PTPRN2: variants seen among roughly 807,000 people sequenced by gnomAD.
The protein encoded by PTPRN2 is protein tyrosine phosphatase receptor type N2.
PTPRN2 carries 74 observed loss-of-function variants against 118.8 expected under a neutral mutation model. The observed-to-expected ratio is 0.62, with a 90% confidence interval of 0.52 to 0.76. PTPRN2 has a LOEUF of 0.76. PTPRN2 is among the 30% of genes least tolerant of loss of function. The pLI, the probability that PTPRN2 is intolerant of heterozygous loss-of-function variation, is 0.00. For missense variants in PTPRN2, 1,481 were observed against 1,394.4 expected, an observed-to-expected ratio of 1.06 and a Z score of -0.99; for synonymous variants, 641 against 608.0, an observed-to-expected ratio of 1.05 and a Z score of -0.80.
intron 1 of PTPRN2, among the ~76,000 whole-genome samples, chr7:158,538,942 G>C (rs950141463): frequency 6.6e-6 from 1 of 152,156 alleles, no homozygotes; most frequent in Non-Finnish European, 1.5e-5. Flanking sequence ...CCAGTCCCAG[G>C]ACCTGCTGGA....
rs1042953021 is a variant in PTPRN2, at chr7:157,689,483, C to T, written c.1789-6546G>A. 2.6e-5 allele frequency among the ~76,000 whole-genome samples: 4 copies of T among 152,354 alleles called. 1 individual carries two copies. In the East Asian group the frequency reaches 7.7e-4, roughly 29 times the overall value. On this transcript the variant is annotated intron_variant, in intron 12 of 22. Coordinates refer to ENST00000389418, the MANE Select transcript of PTPRN2 (RefSeq NM_002847.5). ...CAGCCGTCCAGCCCGCAGCGCCCAG[C>T]TCAGCGCACTGAGGACCAAAAAGGG...
At chr7:157,998,817 CAA>C (rs1213090372) in intron 11 of PTPRN2, among the ~76,000 whole-genome samples, 21 of 59,152 alleles carry the variant, frequency 3.6e-4, no homozygotes, top group African/African-American at 6.2e-4. Flanking sequence ...TACTCCATCT[CAA>C]AAAAAAAAAA....
At chr7:157,884,152 AT>A (rs956331409) in intron 12 of PTPRN2, among the ~76,000 whole-genome samples, 20 of 152,006 alleles carry the variant, frequency 1.3e-4, no homozygotes, top group African/African-American at 3.9e-4. Flanking sequence ...AGAACAGAAC[AT>A]ACCACCCCAA....
chr7:157,731,500 C>A lies in PTPRN2; in HGVS notation c.1789-48563G>T, dbSNP rs1321054930. On this transcript the variant is annotated intron_variant, in intron 12 of 22. Coordinates refer to ENST00000389418, the MANE Select transcript of PTPRN2 (RefSeq NM_002847.5). Reference sequence around the variant, plus strand: ...CACAGTTACCCTTTCCCGTCCCATGCGCCCAGCACAGTTACCCTTTCCCGT... The same window carrying A: ...CACAGTTACCCTTTCCCGTCCCATGAGCCCAGCACAGTTACCCTTTCCCGT... Among the ~76,000 whole-genome samples, 35 of 146,240 alleles carry A rather than the reference C, an allele frequency of 2.4e-4. 5 individuals carry two copies. Among genetic ancestry groups the A allele is most frequent in the African/African-American group, 9.3e-4 (34 of 36,372 alleles).
Position 158,233,136 on chromosome 7 carries a change from G to A in PTPRN2, c.278-27863C>T, listed in dbSNP as rs1397457369. ...AATTGGAAAGGAAAAAGTCAAATTA[G>A]CCTTATTTGCAGACATCATGATCTT... is the stretch of plus-strand genomic sequence containing the variant. On this transcript the variant is annotated intron_variant, in intron 3 of 22. Transcript: ENST00000389418. 2.6e-5 allele frequency among the ~76,000 whole-genome samples: 4 copies of A among 152,224 alleles called. No homozygotes were observed. The East Asian group carries it at 7.7e-4, about 29-fold the overall frequency.
intron 11 of PTPRN2, among the ~76,000 whole-genome samples, chr7:158,059,179 C>G (rs13244386): frequency 1.5e-4 from 14 of 95,102 alleles, no homozygotes; most frequent in East Asian, 3.7e-4. Flanking sequence ...CACACGGTGA[C>G]ACATCACTGC....
chr7:158,258,487 C>T lies in PTPRN2; in HGVS notation c.278-53214G>A, dbSNP rs995319371. ...GTACGCACTCCATGTGCATGTGCTT[C>T]TCCACGGAGGGAGCTGCCTGGGTGG... On this transcript the variant is annotated intron_variant, in intron 3 of 22. Coordinates refer to ENST00000389418, the MANE Select transcript of PTPRN2 (RefSeq NM_002847.5). 9.2e-4 allele frequency among the ~76,000 whole-genome samples: 140 copies of T among 152,238 alleles called. 1 individual carries two copies. Among genetic ancestry groups the T allele is most frequent in the African/African-American group, 3.1e-3 (130 of 41,468 alleles).
rs1270475416 is a variant in PTPRN2, at chr7:157,583,347, A to G, written c.2497-5207T>C. ...GTGGAATGGGGAGCAATTGATCCAA[A>G]GGTAGTAACTTCCAGTAGAGGACAG... On this transcript the variant is annotated intron_variant, in intron 17 of 22. Transcript: ENST00000389418. The surrounding 1 kb of genome is among the most constrained non-coding windows in gnomAD (Gnocchi z 5.5). 6.6e-6 allele frequency among the ~76,000 whole-genome samples: 1 copy of G among 152,116 alleles called. No individual in the cohort carries two copies.
chr7:158,526,471 C>T lies in PTPRN2; in HGVS notation c.113-36686G>A, dbSNP rs776324834. On this transcript the variant is annotated intron_variant, in intron 1 of 22. Transcript: ENST00000389418. This position sits in a 1 kb window ranked among gnomAD's most constrained non-coding sequence, Gnocchi z 5.2. ...GAGGTCTCTCCGCTGGTCACGGCCTCGGAATTCCGACATGCTGGACTGTGG... is the reference window on the plus strand; with the variant it reads ...GAGGTCTCTCCGCTGGTCACGGCCTTGGAATTCCGACATGCTGGACTGTGG... Among the ~76,000 whole-genome samples, 5 of 152,156 alleles carry T rather than the reference C, an allele frequency of 3.3e-5. No individual in the cohort carries two copies. Among genetic ancestry groups the T allele is most frequent in the East Asian group, 1.9e-4 (1 of 5,182 alleles).
At chr7:157,951,628 G>A (rs1585074736) in intron 11 of PTPRN2, among the ~76,000 whole-genome samples, 1 of 152,204 alleles carries the variant, frequency 6.6e-6, no homozygotes, top group Non-Finnish European at 1.5e-5. Flanking sequence ...ACTAAACGAT[G>A]TTCCCGTGAT....
rs146169195 is a variant in PTPRN2, at chr7:158,049,330, G to T, written c.1723+31968C>A. Among the ~76,000 whole-genome samples the T allele has an allele frequency of 2.4e-3, 369 of 152,220 alleles. 3 individuals are homozygous for T. Among genetic ancestry groups the T allele is most frequent in the African/African-American group, 8.4e-3 (350 of 41,522 alleles). On this transcript the variant is annotated intron_variant, in intron 11 of 22. Coordinates refer to ENST00000389418, the MANE Select transcript of PTPRN2 (RefSeq NM_002847.5). ...ATCTCCACTCCCGATTCTCTGTGCC[G>T]TCTTCCTCTACATGTTCAGCCCTCT...
chr7:158,494,049 T>G (rs1821649087), intron 1 of PTPRN2, among the ~76,000 whole-genome samples: 1 of 152,246 alleles, frequency 6.6e-6, no homozygotes, highest in East Asian at 1.9e-4. Context: ...AAGATGAAAA[T>G]GGATCCAGTT....
rs992642623 is a variant in PTPRN2, at chr7:157,806,804, C to T, written c.1788+91869G>A. Among the ~76,000 whole-genome samples, 4 of 152,208 alleles carry T rather than the reference C, an allele frequency of 2.6e-5. No individual in the cohort carries two copies. In the East Asian group the frequency reaches 7.7e-4, roughly 29 times the overall value. On this transcript the variant is annotated intron_variant, in intron 12 of 22. Transcript: ENST00000389418. ...CCCCCTCAGTCCAGGCAGACCACGG[C>T]CCGGTGGTCTGCATGAACAAAGTGA...
chr7:157,611,849 C>G lies in PTPRN2; in HGVS notation c.2345-7774G>C, dbSNP rs892414808. Among the ~76,000 whole-genome samples, 1 of 138,936 alleles carries G rather than the reference C, an allele frequency of 7.2e-6. No individual in the cohort carries two copies. The highest frequency in any genetic ancestry group is 1.6e-5 in the Non-Finnish European group (1 of 64,154). The allele number at this position is 138,936 out of a possible 152,430, so 91.1% of individuals were successfully genotyped here. On this transcript the variant is annotated intron_variant, in intron 15 of 22. Transcript: ENST00000389418. This position sits in a 1 kb window ranked among gnomAD's most constrained non-coding sequence, Gnocchi z 5.9. ...CAGCCGCAGTCATGCTGGGGACACGCGGAGGGAGAGCGCCCGTGTGAAGAC... is the reference window on the plus strand; with the variant it reads ...CAGCCGCAGTCATGCTGGGGACACGGGGAGGGAGAGCGCCCGTGTGAAGAC...
chr7:157,799,415 C>T (rs932188038), intron 12 of PTPRN2, among the ~76,000 whole-genome samples: 24 of 152,158 alleles, frequency 1.6e-4, no homozygotes, highest in Admixed American at 7.9e-4. Context: ...ACTTACTCAA[C>T]GTCTCCACTG....
chr7:157,834,559 T>G (rs992212463), intron 12 of PTPRN2, among the ~76,000 whole-genome samples: 1 of 152,260 alleles, frequency 6.6e-6, no homozygotes, highest in Non-Finnish European at 1.5e-5. Flanking sequence ...AATCCATCAA[T>G]TGATCAGTCG....
intron 11 of PTPRN2, among the ~76,000 whole-genome samples, chr7:158,012,733 C>G (rs1806139802): frequency 6.6e-6 from 1 of 152,220 alleles, no homozygotes; most frequent in Non-Finnish European, 1.5e-5. Flanking sequence ...GTAGCATCAG[C>G]TCCGGCCATC....
At chr7:158,065,577 AC>A (rs1339769358) in intron 11 of PTPRN2, among the ~76,000 whole-genome samples, 5 of 152,082 alleles carry the variant, frequency 3.3e-5, no homozygotes, top group African/African-American at 7.2e-5. Flanking sequence ...GAGCCATCAG[AC>A]CCGGGGGGAG....
chr7:158,486,808 A>T (rs545854772), intron 2 of PTPRN2, among the ~76,000 whole-genome samples: 33 of 152,290 alleles, frequency 2.2e-4, no homozygotes, highest in African/African-American at 7.5e-4. Context: ...CATCTTAGCC[A>T]TTCTTAAGTG....
Sources: allele counts gnomAD v4.1 joint callset (sites outside exome capture counted in the v4.1 genomes callset), GRCh38; gene constraint gnomAD v4.1.1; non-coding constraint Gnocchi (gnomAD v3.1); transcripts MANE v1.5; gene names NCBI Gene and HGNC (gene_info 2026-07-23, HGNC 2026-07-21).